Variants in CACHD1 observed in about 807,000 individuals in gnomAD.
The protein encoded by CACHD1 is cache domain containing 1.
Under a neutral mutation model 138.7 loss-of-function variants are expected in CACHD1, and 71 were observed. The ratio of observed to expected loss-of-function variants is 0.51; its 90% CI spans 0.42 to 0.62. The LOEUF (loss-of-function observed/expected upper bound fraction) is 0.62, where lower values mean the gene tolerates loss of function less well. Among genes scored for constraint, CACHD1 ranks in the 20% least tolerant of loss-of-function variants. CACHD1 has a pLI of 0.00. For synonymous variants in CACHD1, 578 were observed against 591.5 expected (o/e 0.98, Z 0.33); for missense variants, 1,389 against 1,625.3 (o/e 0.85, Z 2.50).
At chr1:64,648,817 C>T (rs1648994923) in intron 9 of CACHD1, among the ~76,000 whole-genome samples, 1 of 152,054 alleles carries the variant, frequency 6.6e-6, no homozygotes, top group Non-Finnish European at 1.5e-5. Context: ...GAAAATACAA[C>T]ATTTTCCTCA....
At chr1:64,651,876 T>G (rs1167605777) in intron 9 of CACHD1, among the ~76,000 whole-genome samples, 3 of 152,200 alleles carry the variant, frequency 2.0e-5, no homozygotes, top group African/African-American at 2.4e-5. Flanking sequence ...CTGGAAGGTC[T>G]TATCTTTTTA....
At chr1:64,669,691 A>ATT (rs11434637) in intron 16 of CACHD1, among the ~76,000 whole-genome samples, 32 of 148,450 alleles carry the variant, frequency 2.2e-4, no homozygotes, top group East Asian at 9.8e-4. Flanking sequence ...GTTTGGTGTG[A>ATT]TTTTTTTTTT....
chr1:64,607,376 A>G lies in CACHD1; in HGVS notation c.517+4464A>G, dbSNP rs555539845. Among the ~76,000 whole-genome samples the G allele has an allele frequency of 3.4e-4, 52 of 152,234 alleles. 1 individual carries two copies. Among genetic ancestry groups the G allele is most frequent in the Middle Eastern group, 3.4e-3 (1 of 294 alleles). ...AGAAAACCAGCCATATGATTTAGCAATGTAGAGGCTATGGGTGAGCTTGTC... is the reference window on the plus strand; with the variant it reads ...AGAAAACCAGCCATATGATTTAGCAGTGTAGAGGCTATGGGTGAGCTTGTC... On this transcript the variant is annotated intron_variant, in intron 4 of 26. Transcript: ENST00000651257.
intron 4 of CACHD1, among the ~76,000 whole-genome samples, chr1:64,609,632 G>A (rs576455655): frequency 2.0e-5 from 3 of 152,026 alleles, no homozygotes; most frequent in Admixed American, 6.5e-5. Flanking sequence ...AGAAGATTTT[G>A]TTAGCCATAT....
At chr1:64,583,252 A>G (rs1169741150) in intron 3 of CACHD1, among the ~76,000 whole-genome samples, 1 of 152,124 alleles carries the variant, frequency 6.6e-6, no homozygotes, top group Non-Finnish European at 1.5e-5. Context: ...CTCCATTTAT[A>G]TGATGTTAAG....
intron 3 of CACHD1, among the ~76,000 whole-genome samples, chr1:64,597,696 T>C (rs1647167361): frequency 1.3e-5 from 2 of 152,036 alleles, no homozygotes; most frequent in African/African-American, 2.4e-5. Context: ...TTGTCATTAC[T>C]AACTTTTTAA....
chr1:64,665,911 A>G (rs985740434), intron 15 of CACHD1, 146 bp from the exon 16 acceptor site: 11 of 403,528 alleles, frequency 2.7e-5, no homozygotes, highest in African/African-American at 2.3e-4. Flanking sequence ...AGGCTGAGGC[A>G]GGAGAATGGC....
intron 2 of CACHD1, among the ~76,000 whole-genome samples, chr1:64,572,681 T>A (rs1646935445): frequency 6.6e-6 from 1 of 152,152 alleles, no homozygotes; most frequent in African/African-American, 2.4e-5. Context: ...TGTCAGCACT[T>A]GCCTCCTGTT....
At chr1:64,643,304 CTCTTCCAA>C (rs1648790027) in intron 8 of CACHD1, among the ~76,000 whole-genome samples, 1 of 152,104 alleles carries the variant, frequency 6.6e-6, no homozygotes, top group African/African-American at 2.4e-5. Context: ...CAGGGTGATT[CTCTTCCAA>C]ATGATTTCTA....
At chr1:64,496,468 A>G (rs1462034767) in intron 1 of CACHD1, among the ~76,000 whole-genome samples, 1 of 152,174 alleles carries the variant, frequency 6.6e-6, no homozygotes, top group African/African-American at 2.4e-5. Flanking sequence ...GTTTCCTCCT[A>G]TAATCTAGTA....
chr1:64,541,738 G>A (rs1268033360), intron 1 of CACHD1, among the ~76,000 whole-genome samples: 1 of 152,142 alleles, frequency 6.6e-6, no homozygotes, highest in Non-Finnish European at 1.5e-5. Flanking sequence ...AGGCTGAGGC[G>A]AGAGGATCAC....
chr1:64,471,949 T>C (rs1265988233), intron 1 of CACHD1, among the ~76,000 whole-genome samples: 1 of 152,170 alleles, frequency 6.6e-6, no homozygotes, highest in Non-Finnish European at 1.5e-5. Context: ...TAGGAGAGGT[T>C]GAGATGACAT....
At chr1:64,552,495 G>A (rs1366101111) in intron 2 of CACHD1, among the ~76,000 whole-genome samples, 4 of 146,070 alleles carry the variant, frequency 2.7e-5, no homozygotes, top group Non-Finnish European at 6.0e-5. Flanking sequence ...TTTGAGACAG[G>A]ATCTTGCTCT....
chr1:64,474,617 A>T (rs1646163501), intron 1 of CACHD1, among the ~76,000 whole-genome samples: 1 of 152,228 alleles, frequency 6.6e-6, no homozygotes. Context: ...TTTTACAAGG[A>T]CGTATTCCAG....
At chr1:64,553,648 A>G (rs1353205669) in intron 2 of CACHD1, among the ~76,000 whole-genome samples, 1 of 152,228 alleles carries the variant, frequency 6.6e-6, no homozygotes, top group Non-Finnish European at 1.5e-5. Context: ...CTTACTACCC[A>G]GCTAAAGAAA....
At chr1:64,542,349 T>C (rs1007132837) in intron 1 of CACHD1, among the ~76,000 whole-genome samples, 3 of 152,206 alleles carry the variant, frequency 2.0e-5, no homozygotes, top group African/African-American at 7.2e-5. Context: ...CCTCTTCCTT[T>C]GCCATGGTTT....
In CACHD1 at chr1:64,660,937, G is replaced by A. The variant is rs190637180; in HGVS notation, c.1951+2064G>A. On this transcript the variant is annotated intron_variant, in intron 13 of 26. Transcript: ENST00000651257. ...GCCTCATAGAGATTATTCAGATAATGTATGAACTTAATTATTTCATATATG... is the reference window on the plus strand; with the variant it reads ...GCCTCATAGAGATTATTCAGATAATATATGAACTTAATTATTTCATATATG... Among the ~76,000 whole-genome samples the A allele has an allele frequency of 4.6e-5, 7 of 152,274 alleles. No individual in the cohort carries two copies. In the East Asian group the frequency reaches 1.2e-3, roughly 25 times the overall value.
intron 4 of CACHD1, among the ~76,000 whole-genome samples, chr1:64,612,487 G>A (rs542155314): frequency 1.7e-3 from 263 of 152,248 alleles, no homozygotes; most frequent in Non-Finnish European, 3.1e-3. Flanking sequence ...TAATGAGTAT[G>A]TAAGGAAAAT....
At chr1:64,649,830 T>A (rs1561167) in intron 9 of CACHD1, among the ~76,000 whole-genome samples, 33,733 of 152,038 alleles carry the variant, frequency 0.22, 6,223 homozygotes, top group East Asian at 0.63. Flanking sequence ...GTGTTATGAA[T>A]CCTGTGCAGT....
Sources: allele counts gnomAD v4.1 joint callset (sites outside exome capture counted in the v4.1 genomes callset), GRCh38; gene constraint gnomAD v4.1.1; transcripts MANE v1.5; gene names NCBI Gene and HGNC (gene_info 2026-07-23, HGNC 2026-07-21).